PDE1C: variants seen among roughly 807,000 people sequenced by gnomAD.
PDE1C encodes phosphodiesterase 1C.
A neutral mutation model predicts 93.1 loss-of-function variants in PDE1C; 62 were observed. The ratio of observed to expected loss-of-function variants is 0.67; its 90% CI spans 0.54 to 0.82. The LOEUF is 0.82. Among genes scored for constraint, PDE1C ranks in the 40% least tolerant of loss-of-function variants. The probability of loss-of-function intolerance (pLI) is 0.00; values close to 1 mark genes in which losing one functional copy is unlikely to be tolerated. For synonymous variants in PDE1C, 325 were observed against 310.1 expected, an observed-to-expected ratio of 1.05 and a Z score of -0.50; for missense variants, 742 against 884.6, an observed-to-expected ratio of 0.84 and a Z score of 2.04.
At chr7:32,304,855 T>G (rs1812960409) in intron 1 of PDE1C, among the ~76,000 whole-genome samples, 1 of 152,114 alleles carries the variant, frequency 6.6e-6, no homozygotes, top group South Asian at 2.1e-4. Context: ...ATGTCATATA[T>G]ATTATTATAA....
chr7:31,621,912 C>G, the PDE1C span, among the ~76,000 whole-genome samples: 1 of 151,432 alleles, frequency 6.6e-6, no homozygotes, highest in Non-Finnish European at 1.5e-5. Flanking sequence ...GGAGGAAGAT[C>G]TACCAAGCCA....
chr7:32,279,813 T>C (rs1811511651), intron 1 of PDE1C, among the ~76,000 whole-genome samples: 1 of 152,124 alleles, frequency 6.6e-6, no homozygotes. Context: ...ATACTGTACC[T>C]AAAGCAAAGT....
At chr7:32,225,022 T>TTAAAA (rs947230750) in intron 1 of PDE1C, among the ~76,000 whole-genome samples, 1 of 100,812 alleles carries the variant, frequency 9.9e-6, no homozygotes, top group African/African-American at 2.8e-5. Flanking sequence ...CTTTCTTATT[T>TTAAAA]AAAAAAAAAA....
chr7:31,796,316 C>G (rs919695999), intron 16 of PDE1C, among the ~76,000 whole-genome samples: 1 of 151,140 alleles, frequency 6.6e-6, no homozygotes, highest in Non-Finnish European at 1.5e-5. Flanking sequence ...TGTATGTGTA[C>G]ATAAGTGTGT....
chr7:31,802,922 T>G (rs573890135), intron 16 of PDE1C, among the ~76,000 whole-genome samples: 10 of 151,876 alleles, frequency 6.6e-5, no homozygotes, highest in Non-Finnish European at 5.9e-5. Context: ...TGAGATGTAT[T>G]GAGCTTCTTG....
At chr7:31,678,864 G>C in the PDE1C span, among the ~76,000 whole-genome samples, 3 of 152,258 alleles carry the variant, frequency 2.0e-5, no homozygotes, top group African/African-American at 7.2e-5. Context: ...CAGCCTGGTC[G>C]AAGAGGTAAG....
At chr7:32,368,785 G>A (rs751827992) in intron 1 of PDE1C, among the ~76,000 whole-genome samples, 1 of 152,114 alleles carries the variant, frequency 6.6e-6, no homozygotes, top group Non-Finnish European at 1.5e-5. Context: ...GCATGGTACT[G>A]ACATAAAAGC....
chr7:32,169,765 T>G (rs1249719553), intron 3 of PDE1C: 1 of 1,607,888 alleles, frequency 6.2e-7, no homozygotes, highest in East Asian at 2.2e-5. Context: ...AGGAACACAT[T>G]GAGTTGCAAT....
intron 3 of PDE1C, among the ~76,000 whole-genome samples, chr7:32,078,502 A>G (rs1323261258): frequency 2.0e-5 from 3 of 152,228 alleles, no homozygotes; most frequent in Admixed American, 6.5e-5. Context: ...AGGCTCCAGG[A>G]AAGTGGAAAG....
chr7:31,936,433 G>GA (rs34551942), intron 2 of PDE1C, among the ~76,000 whole-genome samples: 1,664 of 128,288 alleles, frequency 0.013, 20 homozygotes, highest in African/African-American at 0.034. Context: ...CCAGGGAGAA[G>GA]AAAAAAAAAA....
chr7:32,074,132 G>A (rs1365750469), upstream of PDE1C, among the ~76,000 whole-genome samples: 3 of 152,134 alleles, frequency 2.0e-5, no homozygotes, highest in African/African-American at 7.2e-5. Flanking sequence ...GCCAACCTCT[G>A]CACTGTCAGA....
chr7:31,638,993 T>C, the PDE1C span, among the ~76,000 whole-genome samples: 1 of 152,250 alleles, frequency 6.6e-6, no homozygotes, highest in African/African-American at 2.4e-5. Context: ...GCCAGGCTGG[T>C]CTTGAACTCC....
At chr7:31,862,735 A>G (rs1794827415) in intron 7 of PDE1C, among the ~76,000 whole-genome samples, 1 of 152,222 alleles carries the variant, frequency 6.6e-6, no homozygotes. Flanking sequence ...GGAATTTGGG[A>G]GAACACAAAC....
the PDE1C span, chr7:31,643,306 C>T: frequency 6.2e-7 from 1 of 1,613,898 alleles, no homozygotes; most frequent in Non-Finnish European, 8.5e-7. Context: ...TATCCCCAAG[C>T]ACAGTGAAAT....
At chr7:31,967,642 G>A (rs548088223) in intron 2 of PDE1C, among the ~76,000 whole-genome samples, 4 of 152,206 alleles carry the variant, frequency 2.6e-5, no homozygotes, top group African/African-American at 4.8e-5. Flanking sequence ...CCAAAGCCTG[G>A]CAGAGACACA....
At chr7:32,303,776 A>C, upstream of PDE1C, among the ~76,000 whole-genome samples, 1 of 152,156 alleles carries the variant, frequency 6.6e-6, no homozygotes, top group Middle Eastern at 3.4e-3. Flanking sequence ...TGTTCATTCA[A>C]CTTTTTTTGA....
At chr7:31,731,640 G>T in the PDE1C span, among the ~76,000 whole-genome samples, 5 of 152,092 alleles carry the variant, frequency 3.3e-5, no homozygotes, top group African/African-American at 1.2e-4. Flanking sequence ...CACCCTCCTC[G>T]GCCTCCCAAA....
chr7:32,136,066 G>A (rs1226984048), intron 3 of PDE1C, among the ~76,000 whole-genome samples: 1 of 152,184 alleles, frequency 6.6e-6, no homozygotes, highest in African/African-American at 2.4e-5. Context: ...ATCTAAAAAG[G>A]TTGAGCTCAT....
At chr7:31,672,355 T>TATAG in the PDE1C span, among the ~76,000 whole-genome samples, 3 of 152,164 alleles carry the variant, frequency 2.0e-5, no homozygotes, top group South Asian at 6.2e-4. Flanking sequence ...CATATTGATA[T>TATAG]ATAGATAACT....
Sources: gnomAD v4.1 joint callset for allele counts (sites outside exome capture counted in the v4.1 genomes callset) on GRCh38, gnomAD v4.1.1 for gene constraint, MANE v1.5 for transcripts, NCBI Gene and HGNC (gene_info 2026-07-23, HGNC 2026-07-21) for gene names.